LRAT: variants seen among roughly 807,000 people sequenced by gnomAD.
The protein encoded by LRAT is lecithin retinol acyltransferase.
Under a neutral mutation model 14.2 loss-of-function variants are expected in LRAT, and 11 were observed. The ratio of observed to expected loss-of-function variants is 0.78; its 90% CI spans 0.49 to 1.29. The LOEUF (loss-of-function observed/expected upper bound fraction) is 1.29. LRAT is among the 50% of genes most tolerant of loss of function. The probability of loss-of-function intolerance (pLI) is 0.00; values close to 1 mark genes in which losing one functional copy is unlikely to be tolerated. For missense variants in LRAT, 274 were observed against 292.4 expected (o/e 0.94, Z 0.46); for synonymous variants, 144 against 124.8 (o/e 1.15, Z -1.03).
chr4:154,749,136 A>G lies in LRAT; in HGVS notation c.693A>G (p.Ter231=). Residue 231 remains the stop codon, a stop_retained_variant, in exon 3 of 3, where the codon TAA becomes TAG. Coordinates refer to ENST00000336356, the MANE Select transcript of LRAT (RefSeq NM_004744.5). ...CATTCTTCCTATGGATGGCTGGCTA[A>G]CTTCATACCCCCATGTCAGTGTGTG... ...FIPFFLWMAG[*] is the part of the protein sequence containing the mutation. The G allele has an allele frequency of 6.2e-7, 1 of 1,613,286 alleles. No individual in the cohort carries two copies. Among genetic ancestry groups the G allele is most frequent in the Non-Finnish European group, 8.5e-7 (1 of 1,179,330 alleles).
chr4:154,745,541 G>C (rs1036555625), intron 2 of LRAT: 3 of 152,516 alleles, frequency 2.0e-5, no homozygotes, highest in African/African-American at 7.2e-5. Flanking sequence ...AAACGACAAA[G>C]GGCAAGTGAC....
intron 2 of LRAT, among the ~76,000 whole-genome samples, chr4:154,747,366 T>C (rs1448037960): frequency 7.8e-6 from 1 of 127,544 alleles, no homozygotes. Context: ...CTTATGCTTT[T>C]TCTACTATGA....
Position 154,749,504 on chromosome 4 carries a change from GAGACCAGTAACTTTA to G in LRAT, c.*369_*383del. On this transcript the variant is annotated 3_prime_UTR_variant, in exon 3 of 3. Transcript: ENST00000336356. The stretch of plus-strand genomic sequence containing the variant: ...ATTTGAAGATTGGAAGACTTATATT[GAGACCAGTAACTTTA>G]CTGTAAATTTACTTTGTTTCATTGA... 1 of 171,900 alleles carries G rather than the reference GAGACCAGTAACTTTA, an allele frequency of 5.8e-6. No homozygotes were observed. Among genetic ancestry groups the G allele is most frequent in the Non-Finnish European group, 1.2e-5 (1 of 80,628 alleles). 10.6% of individuals were successfully genotyped at this position (171,900 alleles called of 1,614,324 possible). A position where few individuals can be genotyped will look rare whatever the true frequency, so the allele number is the denominator to read the frequency against.
intron 2 of LRAT, among the ~76,000 whole-genome samples, chr4:154,747,931 CA>C (rs1732913837): frequency 6.6e-6 from 1 of 152,054 alleles, no homozygotes; most frequent in Non-Finnish European, 1.5e-5. Flanking sequence ...TGTATTAAAA[CA>C]TATTGAACTT....
intron 2 of LRAT, chr4:154,748,126 A>C: frequency 2.5e-4 from 147 of 589,044 alleles, no homozygotes; most frequent in Non-Finnish European, 2.8e-4. Context: ...GCAATATGGT[A>C]GAGATAACTG....
chr4:154,744,347 G>GTTCTTC lies in LRAT; in HGVS notation c.21_22insTTCTTC (p.Glu7_Val8insPhePhe), dbSNP rs1732830696. 3 of 1,614,184 alleles carry GTTCTTC rather than the reference G, an allele frequency of 1.9e-6. No homozygotes were observed. The highest frequency in any genetic ancestry group is 2.5e-6 in the Non-Finnish European group (3 of 1,180,048). On this transcript the variant is annotated inframe_insertion, in exon 2 of 3. Transcript: ENST00000336356. ...GCAGGATGAAGAACCCCATGCTGGA[G>GTTCTTC]GTGGTGTCTTTACTACTGGAGAAGC...
At chr4:154,744,261 C>T (rs1371738842) in intron 1 of LRAT, 39 bp downstream of exon 1, 25 of 1,570,432 alleles carry the variant, frequency 1.6e-5, no homozygotes, top group Non-Finnish European at 2.0e-5. Context: ...GCGAGCTTAA[C>T]TTGCCCAGCC....
In LRAT at chr4:154,744,389, C is replaced by T; in HGVS notation, c.63C>T (p.Asn21=). ...LLLEKLLLIS[N]FTLFSSGAAG... is the part of the protein sequence containing the mutation. ...TGGAGAAGCTGCTCCTCATCTCCAA[C>T]TTCACGCTCTTTAGTTCGGGCGCCG... Residue 21 remains asparagine (N), a synonymous_variant, in exon 2 of 3, where the codon AAC becomes AAT. Transcript: ENST00000336356. 6.2e-7 allele frequency: 1 copy of T among 1,614,176 alleles called. No individual in the cohort carries two copies. Among genetic ancestry groups the T allele is most frequent in the Non-Finnish European group, 8.5e-7 (1 of 1,180,040 alleles).
chr4:154,742,648 T>C, upstream of LRAT, among the ~76,000 whole-genome samples: 1 of 152,178 alleles, frequency 6.6e-6, no homozygotes. Flanking sequence ...ATTTACATAA[T>C]GCATTAGCAC....
Position 154,749,351 on chromosome 4 carries a change from C to A in LRAT, c.*215C>A, listed in dbSNP as rs138149948. On this transcript the variant is annotated 3_prime_UTR_variant, in exon 3 of 3. Coordinates refer to ENST00000336356, the MANE Select transcript of LRAT (RefSeq NM_004744.5). The stretch of plus-strand genomic sequence containing the variant: ...AGGCAGTTCAGATTTAAAGCACCAT[C>A]CAAACCTTGGAAATACGACAGGGTG... 2 of 556,184 alleles carry A rather than the reference C, an allele frequency of 3.6e-6. No homozygotes were observed. The highest frequency in any genetic ancestry group is 6.4e-5 in the East Asian group (2 of 31,274). 34.5% of individuals were successfully genotyped at this position (556,184 alleles called of 1,614,324 possible). A position where few individuals can be genotyped will look rare whatever the true frequency, so the allele number is the denominator to read the frequency against.
At chr4:154,743,125 A>ACCCCCCCCCCCCCCCCCCCCCCCCCCC (rs59844353), upstream of LRAT, among the ~76,000 whole-genome samples, 3 of 17,838 alleles carry the variant, frequency 1.7e-4, no homozygotes, top group Admixed American at 1.0e-3. Context: ...GACCCCCCCA[A>ACCCCCCCCCCCCCCCCCCCCCCCCCCC]CCCCCCCCCC....
chr4:154,745,923 T>A (rs1732877547), intron 2 of LRAT, among the ~76,000 whole-genome samples: 1 of 152,194 alleles, frequency 6.6e-6, no homozygotes, highest in Admixed American at 6.5e-5. Context: ...ATTACATTGT[T>A]TATGGGTTCC....
At chr4:154,748,278 A>T in intron 2 of LRAT, 1 of 983,796 alleles carries the variant, frequency 1.0e-6, no homozygotes, top group Non-Finnish European at 1.2e-6. Flanking sequence ...ACTTGAGGTG[A>T]CATAGCCAAT....
chr4:154,744,269 G>A (rs564527759), intron 1 of LRAT, 47 bp downstream of exon 1: 6 of 1,590,430 alleles, frequency 3.8e-6, no homozygotes, highest in Non-Finnish European at 5.2e-6. Context: ...AACTTGCCCA[G>A]CCCGGCCCCT....
At chr4:154,743,721 C>A (rs931256914), upstream of LRAT, among the ~76,000 whole-genome samples, 1 of 152,026 alleles carries the variant, frequency 6.6e-6, no homozygotes, top group Non-Finnish European at 1.5e-5. Context: ...AGGTGCAGGA[C>A]CTTTCGTGCC....
At position 154,750,900 on chromosome 4, in the gene LRAT, C is replaced by T. The variant is rs944184572; in HGVS notation, c.*1764C>T. Reference sequence around the variant, plus strand: ...ATTTTTTTGCAAACTTTAGTTATTACAGGCAGCAAAAACCACTGTCTGAAA... The same window carrying T: ...ATTTTTTTGCAAACTTTAGTTATTATAGGCAGCAAAAACCACTGTCTGAAA... On this transcript the variant is annotated 3_prime_UTR_variant, in exon 3 of 3. Coordinates refer to ENST00000336356, the MANE Select transcript of LRAT (RefSeq NM_004744.5). 1 of 152,106 alleles carries T rather than the reference C, an allele frequency of 6.6e-6. No individual in the cohort carries two copies. Among genetic ancestry groups the T allele is most frequent in the Non-Finnish European group, 1.5e-5 (1 of 68,000 alleles). 9.4% of individuals were successfully genotyped at this position (152,106 alleles called of 1,614,324 possible).
rs1178682116 is a variant in LRAT, at chr4:154,749,613, C to G, written c.*477C>G. 1.3e-5 allele frequency: 2 copies of G among 155,916 alleles called. No homozygotes were observed. Among genetic ancestry groups the G allele is most frequent in the African/African-American group, 4.8e-5 (2 of 41,372 alleles). 9.7% of individuals were successfully genotyped at this position (155,916 alleles called of 1,614,324 possible). ...ATTCAAATGAAAACATGTTTGATGA[C>G]TGGTCAAAAAATAAGCTCATAATCT... is the stretch of plus-strand genomic sequence containing the variant. On this transcript the variant is annotated 3_prime_UTR_variant, in exon 3 of 3. Transcript: ENST00000336356.
rs1490936268 is a variant in LRAT at position 154,744,347 on chromosome 4, G to T, written c.21G>T (p.Glu7Asp). The T allele has an allele frequency of 3.7e-6, 6 of 1,614,066 alleles. No homozygotes were observed. Among genetic ancestry groups the T allele is most frequent in the Non-Finnish European group, 5.1e-6 (6 of 1,180,056 alleles). ...GCAGGATGAAGAACCCCATGCTGGAGGTGGTGTCTTTACTACTGGAGAAGC... is the reference window on the plus strand; with the variant it reads ...GCAGGATGAAGAACCCCATGCTGGATGTGGTGTCTTTACTACTGGAGAAGC... MKNPML[E>D]VVSLLLEKLL... Residue 7 changes from glutamate to aspartate, a missense_variant, in exon 2 of 3, where the codon GAG becomes GAT. Glu to Asp is a conservative substitution (Grantham distance 45). Coordinates refer to ENST00000336356, the MANE Select transcript of LRAT (RefSeq NM_004744.5).
chr4:154,746,646 T>C (rs780740334), intron 2 of LRAT, among the ~76,000 whole-genome samples: 12 of 152,214 alleles, frequency 7.9e-5, no homozygotes, highest in Non-Finnish European at 1.5e-4. Flanking sequence ...ACAGTATTTC[T>C]ATCAGGTAAT....
Sources: gnomAD v4.1 joint callset for allele counts (sites outside exome capture counted in the v4.1 genomes callset) on GRCh38, gnomAD v4.1.1 for gene constraint, MANE v1.5 for transcripts, NCBI Gene and HGNC (gene_info 2026-07-23, HGNC 2026-07-21) for gene names.